Variants in POLG observed in about 807,000 individuals in gnomAD.
POLG encodes the protein DNA polymerase subunit gamma-1.
Under a neutral mutation model 155.4 loss-of-function variants are expected in POLG, and 110 were observed. The ratio of observed to expected loss-of-function variants is 0.71; its 90% CI spans 0.61 to 0.83. The LOEUF is 0.83. POLG is among the 40% of genes least tolerant of loss of function. The pLI, the probability that POLG is intolerant of heterozygous loss-of-function variation, is 0.00. For missense variants in POLG, 1,685 were observed against 1,627.5 expected (o/e 1.04, Z -0.61); for synonymous variants, 701 against 631.5 (o/e 1.11, Z -1.65).
intron 3 of POLG, among the ~76,000 whole-genome samples, chr15:89,329,665 T>C (rs538839950): frequency 3.9e-4 from 59 of 152,340 alleles, no homozygotes; most frequent in Middle Eastern, 3.4e-3. Flanking sequence ...CATGCAGGCA[T>C]TGTTCCAACC....
chr15:89,323,586 G>A, intron 12 of POLG, 75 bp from the exon 13 acceptor site: 1 of 1,002,438 alleles, frequency 1.0e-6, no homozygotes, highest in Non-Finnish European at 1.6e-6. Flanking sequence ...GTAGGGGGTG[G>A]GAAAAGGGCC....
chr15:89,325,654 T>A lies in POLG; in HGVS notation c.1745A>T (p.Asp582Val). ...GCTGGGGCCCGGGGTCCATGCAGGG[T>A]CGTCTAGCCGGGGGCAGAGCTTCCG... ...WYRKLCPRLD[D>V]PAWTPGPSLL... Residue 582 changes from aspartate to valine, a missense_variant, in exon 10 of 23, where the codon GAC (aspartate) becomes GTC (valine). Transcript: ENST00000268124. 1.2e-6 allele frequency: 2 copies of A among 1,611,022 alleles called. No homozygotes were observed. The highest frequency in any genetic ancestry group is 1.7e-6 in the Non-Finnish European group (2 of 1,179,952).
In POLG at chr15:89,333,664, G is replaced by A. The variant is rs1310226901; in HGVS notation, c.91C>T (p.Pro31Ser). The A allele has an allele frequency of 1.0e-5, 16 of 1,561,018 alleles. No homozygotes were observed. The highest frequency in any genetic ancestry group is 1.3e-5 in the Non-Finnish European group (15 of 1,158,426). ...APGRWVSSSV[P>S]ASDPSDGQRR... ...TGCCCGTCGCTGGGGTCGGACGCGG[G>A]GACGGAGCTGGAGACCCAGCGCCCC... The change falls in exon 2 of 23, where the codon CCC becomes TCC. Residue 31 changes from proline (P) to serine (S), a missense_variant. Pro to Ser is a moderately conservative substitution (Grantham distance 74). Around this residue, in one of 3 missense-constraint regions of POLG, gnomAD observed 1,210 missense variants for 1,167.1 expected, o/e 1.04. Coordinates refer to ENST00000268124, the MANE Select transcript of POLG (RefSeq NM_002693.3).
intron 2 of POLG, among the ~76,000 whole-genome samples, chr15:89,331,068 C>T (rs2055587924): frequency 6.6e-6 from 1 of 152,186 alleles, no homozygotes; most frequent in African/African-American, 2.4e-5. Flanking sequence ...TCAAGGCCCA[C>T]TCAGCATCAA....
chr15:89,332,270 G>A (rs1220950410), intron 2 of POLG: 2 of 151,968 alleles, frequency 1.3e-5, no homozygotes, highest in Non-Finnish European at 2.9e-5. Flanking sequence ...TTAACATTTC[G>A]CAGCTTTCTT....
In POLG at chr15:89,333,627, T is replaced by C. The variant is rs28567406; in HGVS notation, c.128A>G (p.Gln43Arg). 8,505 of 1,580,742 alleles carry C rather than the reference T, an allele frequency of 5.4e-3. 85 individuals carry two copies. Among genetic ancestry groups the C allele is most frequent in the African/African-American group, 0.042 (3,094 of 74,030 alleles). The change falls in exon 2 of 23, where the codon CAG becomes CGG. Residue 43 changes from glutamine (Q) to arginine (R), a missense_variant. This residue lies in a region of POLG where 1,210 missense variants were observed against 1,167.1 expected (regional missense o/e 1.04). Transcript: ENST00000268124. Reference protein sequence around the residue: ...SDPSDGQRRRQQQQQQQQQQQ... With the variant: ...SDPSDGQRRRRQQQQQQQQQQ... ...CTGCTGCTGCTGCTGCTGCTGCTGC[T>C]GCCGCCGCCGCTGCCCGTCGCTGGG... is the stretch of plus-strand genomic sequence containing the variant.
chr15:89,329,013 C>A lies in POLG; in HGVS notation c.953G>T (p.Gly318Val). 1 of 1,613,474 alleles carries A rather than the reference C, an allele frequency of 6.2e-7. No homozygotes were observed. Among genetic ancestry groups the A allele is most frequent in the Non-Finnish European group, 8.5e-7 (1 of 1,180,044 alleles). ...QRSLWIAAKQ[G>V]KHKVQPPTKQ... ...TGTGGGGGGCTGGACCTTGTGTTTG[C>A]CCTGCTTGGCTGCTATCCACAGACT... The change falls in exon 4 of 23, where the codon GGC becomes GTC. Residue 318 changes from glycine (G) to valine (V), a missense_variant. Physicochemically the swap from Gly to Val is moderately radical, Grantham distance 109 (BLOSUM62 -3). This residue lies in a region of POLG where 1,210 missense variants were observed against 1,167.1 expected (regional missense o/e 1.04). Coordinates refer to ENST00000268124, the MANE Select transcript of POLG (RefSeq NM_002693.3).
chr15:89,324,342 G>A (rs1217710610), intron 10 of POLG, 115 bp from the exon 11 acceptor site: 1 of 1,214,600 alleles, frequency 8.2e-7, no homozygotes. Flanking sequence ...AATCAGCTCT[G>A]AGGCAGAACC....
chr15:89,328,471 G>A lies in POLG; in HGVS notation c.1235C>T (p.Pro412Leu), dbSNP rs587780420. The change falls in exon 6 of 23, where the codon CCG (proline) becomes CTG (leucine). Residue 412 changes from proline (P) to leucine (L), a missense_variant. Physicochemically the swap from Pro to Leu is moderately conservative, Grantham distance 98. Coordinates refer to ENST00000268124, the MANE Select transcript of POLG (RefSeq NM_002693.3). ...ATHEVFQQQL[P>L]LFLERCPHPV... ...TCCCCCTCACCTCTCCAAGAAGAGC[G>A]GTAGCTGCTGCTGGAAAACCTCATG... is the stretch of plus-strand genomic sequence containing the variant. 64 of 1,613,380 alleles carry A rather than the reference G, an allele frequency of 4.0e-5. No individual in the cohort carries two copies. The highest frequency in any genetic ancestry group is 2.2e-4 in the East Asian group (10 of 44,880).
At chr15:89,323,645 C>T in intron 12 of POLG, 134 bp from the exon 13 acceptor site, 4 of 812,844 alleles carry the variant, frequency 4.9e-6, no homozygotes, top group Non-Finnish European at 8.5e-6. Flanking sequence ...CATGAGGTCT[C>T]ACCCAGGCTT....
intron 10 of POLG, among the ~76,000 whole-genome samples, chr15:89,324,783 C>G (rs2055447604): frequency 1.3e-5 from 2 of 152,234 alleles, no homozygotes; most frequent in African/African-American, 4.8e-5. Context: ...TCATGGGACT[C>G]CTTGGGGAAC....
chr15:89,329,930 C>T, intron 3 of POLG, 151 bp downstream of exon 3: 2 of 725,152 alleles, frequency 2.8e-6, no homozygotes, highest in Non-Finnish European at 2.5e-6. Context: ...GCACAGAGAC[C>T]AGAGGCACAG....
chr15:89,323,050 C>G, intron 13 of POLG, 148 bp from the exon 14 acceptor site: 1 of 754,534 alleles, frequency 1.3e-6, no homozygotes, highest in South Asian at 1.7e-5. Context: ...CACGCGCGCA[C>G]GCGCGCACGC....
chr15:89,332,624 T>G, intron 2 of POLG, among the ~76,000 whole-genome samples: 2 of 147,732 alleles, frequency 1.4e-5, no homozygotes, highest in Admixed American at 6.8e-5. Context: ...GGGGGGGTGT[T>G]GGTCTGGCGT....
rs996158882 is a variant in POLG, at chr15:89,327,321, T to C, written c.1279A>G (p.Met427Val). 5 of 1,613,906 alleles carry C rather than the reference T, an allele frequency of 3.1e-6. No individual in the cohort carries two copies. Among genetic ancestry groups the C allele is most frequent in the East Asian group, 4.5e-5 (2 of 44,880 alleles). Residue 427 changes from methionine (M) to valine (V), a missense_variant, in exon 7 of 23, where the codon ATG (methionine) becomes GTG (valine). Transcript: ENST00000268124. ...RCPHPVTLAG[M>V]LEMGVSYLPV... Reference sequence around the variant, plus strand: ...AGGTAGGAGACACCCATCTCCAGCATGCCGGCCAGAGTCACTGGGTGGGGA... The same window carrying C: ...AGGTAGGAGACACCCATCTCCAGCACGCCGGCCAGAGTCACTGGGTGGGGA...
chr15:89,323,046 CGCACGCGCGCACGCACACACACACGT>C, intron 13 of POLG, 144 bp from the exon 14 acceptor site: 1 of 727,140 alleles, frequency 1.4e-6, no homozygotes, highest in East Asian at 2.5e-5. Context: ...CACGCACGCG[CGCACGCGCGCACGCACACACACACGT>C]GCACACACAT....
At chr15:89,325,925 C>G (rs1458914991) in intron 9 of POLG, among the ~76,000 whole-genome samples, 1 of 152,174 alleles carries the variant, frequency 6.6e-6, no homozygotes, top group Non-Finnish European at 1.5e-5. Flanking sequence ...AGTCAGAAGC[C>G]AGGACACAAA....
At chr15:89,325,049 T>TGAGTGAGAGAGTGAGTGAGTGAGTGAGA (rs2055456166) in intron 10 of POLG, among the ~76,000 whole-genome samples, 1 of 113,032 alleles carries the variant, frequency 8.8e-6, no homozygotes, top group African/African-American at 6.2e-5. Flanking sequence ...AGTGAGTGAG[T>TGAGTGAGAGAGTGAGTGAGTGAGTGAGA]GAGTGAGAGA....
chr15:89,318,056 C>T (rs1371638095), intron 21 of POLG: 2 of 261,668 alleles, frequency 7.6e-6, no homozygotes, highest in South Asian at 3.9e-5. Context: ...AAATACAACT[C>T]AATATATAAA....
Sources: gnomAD v4.1 joint callset for allele counts (sites outside exome capture counted in the v4.1 genomes callset) on GRCh38, gnomAD v4.1.1 for gene constraint, gnomAD v4.1.1 regional missense constraint, MANE v1.5 for transcripts, NCBI Gene and HGNC (gene_info 2026-07-23, HGNC 2026-07-21) for gene names.